FUCA1: variants seen among roughly 807,000 people sequenced by gnomAD.
The protein encoded by FUCA1 is alpha-L-fucosidase 1.
A neutral mutation model predicts 56.8 loss-of-function variants in FUCA1; 52 were observed. That is an observed-to-expected ratio of 0.92 (90% CI 0.73 to 1.15). The LOEUF is 1.15. Ranked by LOEUF, FUCA1 falls within the 50% of genes most tolerant of loss-of-function variation. The probability of loss-of-function intolerance (pLI) is 0.00; values close to 1 mark genes in which losing one functional copy is unlikely to be tolerated. For synonymous variants in FUCA1, 230 were observed against 226.6 expected (o/e 1.02, Z -0.14); for missense variants, 568 against 592.6 (o/e 0.96, Z 0.43).
At chr1:23,850,999 G>A (rs1055481299) in intron 5 of FUCA1, among the ~76,000 whole-genome samples, 6 of 151,720 alleles carry the variant, frequency 4.0e-5, no homozygotes, top group African/African-American at 1.5e-4. Flanking sequence ...GGCTGGTCTT[G>A]AACTCCTGGC....
At chr1:23,859,970 ATTT>A in intron 3 of FUCA1, 67 bp from the exon 4 acceptor site, 1 of 883,332 alleles carries the variant, frequency 1.1e-6, no homozygotes, top group East Asian at 3.0e-5. Flanking sequence ...CTTATGGACC[ATTT>A]TTTTTTTTAG....
At chr1:23,849,223 T>C (rs1639207458) in intron 5 of FUCA1, among the ~76,000 whole-genome samples, 1 of 152,168 alleles carries the variant, frequency 6.6e-6, no homozygotes, top group Non-Finnish European at 1.5e-5. Context: ...TGACCTCAGG[T>C]GATCTGCCTG....
intron 5 of FUCA1, among the ~76,000 whole-genome samples, chr1:23,852,465 C>A (rs995559762): frequency 4.7e-5 from 7 of 149,852 alleles, no homozygotes; most frequent in African/African-American, 1.7e-4. Flanking sequence ...CCCTCTCCCC[C>A]CTCTCCCTCT....
chr1:23,852,386 C>T (rs914352851), intron 5 of FUCA1, among the ~76,000 whole-genome samples: 62 of 151,982 alleles, frequency 4.1e-4, no homozygotes, highest in African/African-American at 1.4e-3. Flanking sequence ...CGTGCCACTG[C>T]GCTATTGCCT....
At chr1:23,852,841 AGCC>A (rs1434614702) in intron 5 of FUCA1, among the ~76,000 whole-genome samples, 3 of 151,856 alleles carry the variant, frequency 2.0e-5, no homozygotes, top group African/African-American at 7.3e-5. Flanking sequence ...TCCACCTCCC[AGCC>A]GCCTGCCTTG....
Position 23,868,288 on chromosome 1 carries a change from G to A in FUCA1, c.-2C>T, listed in dbSNP as rs1455417738. 3 of 1,545,930 alleles carry A rather than the reference G, an allele frequency of 1.9e-6. No homozygotes were observed. Among genetic ancestry groups the A allele is most frequent in the East Asian group, 2.4e-5 (1 of 41,222 alleles). ...CGACCTCATCCCCGGAGCCCGCATC[G>A]CTACCCCTCAGCGACGCGGCCCACT... On this transcript the variant is annotated 5_prime_UTR_variant, in exon 1 of 8. Transcript: ENST00000374479.
chr1:23,852,465 CCT>C (rs1225373858), intron 5 of FUCA1, among the ~76,000 whole-genome samples: 97 of 149,942 alleles, frequency 6.5e-4, no homozygotes, highest in African/African-American at 2.3e-3. Context: ...CCCTCTCCCC[CCT>C]CTCCCTCTCC....
chr1:23,867,761 T>G lies in FUCA1; in HGVS notation c.389+137A>C. 1 of 1,424,878 alleles carries G rather than the reference T, an allele frequency of 7.0e-7. No homozygotes were observed. Among genetic ancestry groups the G allele is most frequent in the South Asian group, 1.5e-5 (1 of 66,032 alleles). 88.3% of individuals were successfully genotyped at this position (1,424,878 alleles called of 1,614,324 possible). A position where few individuals can be genotyped will look rare whatever the true frequency, so the allele number is the denominator to read the frequency against. On this transcript the variant is annotated intron_variant, in intron 1 of 7. Coordinates refer to ENST00000374479, the MANE Select transcript of FUCA1 (RefSeq NM_000147.5). The surrounding 1 kb of genome is among the most constrained non-coding windows in gnomAD (Gnocchi z 4.9). Reference sequence around the variant, plus strand: ...ATCAGGTGTGCCAGGCTCACTCCTGTGGCCGCAGGAGGCCACACGCGGGCC... The same window carrying G: ...ATCAGGTGTGCCAGGCTCACTCCTGGGGCCGCAGGAGGCCACACGCGGGCC...
In FUCA1 at chr1:23,853,439, T is replaced by TG. The variant is rs1318606475; in HGVS notation, c.969+920dup. 1.8e-4 allele frequency among the ~76,000 whole-genome samples: 25 copies of TG among 138,400 alleles called. No homozygotes were observed. The South Asian group carries it at 2.3e-3, about 13-fold the overall frequency. 90.8% of individuals were successfully genotyped at this position (138,400 alleles called of 152,430 possible). A position where few individuals can be genotyped will look rare whatever the true frequency, so the allele number is the denominator to read the frequency against. ...CCAGCCGCCCCGTCCGGGAGGGAGGTGGGGGGGTCAGCCCCCCGCCCAGCC... is the reference window on the plus strand; with the variant it reads ...CCAGCCGCCCCGTCCGGGAGGGAGGTGGGGGGGGTCAGCCCCCCGCCCAGCC... On this transcript the variant is annotated intron_variant, in intron 5 of 7. Transcript: ENST00000374479.
At chr1:23,857,520 C>CA (rs1236706803) in intron 4 of FUCA1, among the ~76,000 whole-genome samples, 3 of 151,486 alleles carry the variant, frequency 2.0e-5, no homozygotes, top group Non-Finnish European at 4.4e-5. Flanking sequence ...TTTTGTGAGA[C>CA]AGAGTCTCGC....
intron 5 of FUCA1, among the ~76,000 whole-genome samples, chr1:23,849,590 T>TC (rs1182838848): frequency 1.4e-5 from 2 of 143,020 alleles, no homozygotes; most frequent in Non-Finnish European, 3.1e-5. Flanking sequence ...TTTTTTTTTT[T>TC]TTTTTTTTTT....
At chr1:23,852,800 T>C (rs1229156051) in intron 5 of FUCA1, among the ~76,000 whole-genome samples, 6 of 152,006 alleles carry the variant, frequency 3.9e-5, no homozygotes, top group South Asian at 4.1e-4. Context: ...CAGGCTGGAG[T>C]GCAGTGGCGT....
At chr1:23,853,641 G>A (rs1188254066) in intron 5 of FUCA1, among the ~76,000 whole-genome samples, 11 of 151,202 alleles carry the variant, frequency 7.3e-5, no homozygotes, top group East Asian at 2.0e-4. Context: ...GGCGGGGAAA[G>A]GATTGAGAAA....
At position 23,845,240 on chromosome 1, in the gene FUCA1, C is replaced by G. The variant is rs554256591; in HGVS notation, c.*475G>C. The G allele has an allele frequency of 2.9e-5, 6 of 205,946 alleles. No individual in the cohort carries two copies. The highest frequency in any genetic ancestry group is 1.4e-4 in the African/African-American group (6 of 42,848). 12.8% of individuals were successfully genotyped at this position (205,946 alleles called of 1,614,324 possible). ...ATTTCTGAAGAGTTGACCATAGCAGCCTGGTAAGCCTTTTCCTTTCCCCCA... is the reference window on the plus strand; with the variant it reads ...ATTTCTGAAGAGTTGACCATAGCAGGCTGGTAAGCCTTTTCCTTTCCCCCA... On this transcript the variant is annotated 3_prime_UTR_variant, in exon 8 of 8. Coordinates refer to ENST00000374479, the MANE Select transcript of FUCA1 (RefSeq NM_000147.5).
chr1:23,850,650 A>T (rs1195137016), intron 5 of FUCA1, among the ~76,000 whole-genome samples: 30 of 151,552 alleles, frequency 2.0e-4, no homozygotes, highest in Non-Finnish European at 1.5e-5. Flanking sequence ...CGCCCAGCTA[A>T]TTTTTTTTGT....
rs371032301 is a variant in FUCA1, at chr1:23,863,126, T to C, written c.662+8A>G. On this transcript the variant is annotated splice_region_variant and intron_variant, in intron 3 of 7. Transcript: ENST00000374479. ...AAGTCATAGGGCCAAAATATTTCAG[T>C]GTCTTACCTGTTAACAAGGTCGTAC... 10 of 1,613,650 alleles carry C rather than the reference T, an allele frequency of 6.2e-6. No individual in the cohort carries two copies. The African/African-American group carries it at 1.2e-4, about 19-fold the overall frequency.
intron 1 of FUCA1, among the ~76,000 whole-genome samples, chr1:23,866,761 C>A (rs1639631859): frequency 6.6e-6 from 1 of 152,166 alleles, no homozygotes; most frequent in Non-Finnish European, 1.5e-5. Context: ...GAGTCTAGGA[C>A]ATTATATTCC....
intron 5 of FUCA1, 25 bp downstream of exon 5, chr1:23,854,335 A>C (rs1639345449): frequency 1.3e-6 from 2 of 1,599,132 alleles, no homozygotes. Flanking sequence ...AAAAACAAAA[A>C]CAAAAAACTC....
chr1:23,862,290 C>T (rs1459855182), intron 3 of FUCA1, among the ~76,000 whole-genome samples: 1 of 152,142 alleles, frequency 6.6e-6, no homozygotes, highest in Admixed American at 6.5e-5. Flanking sequence ...CTCAGCCTCC[C>T]GAGTAGCTGG....
Sources: gnomAD v4.1 joint callset for allele counts (sites outside exome capture counted in the v4.1 genomes callset) on GRCh38, gnomAD v4.1.1 for gene constraint, Gnocchi (gnomAD v3.1) non-coding constraint, MANE v1.5 for transcripts, NCBI Gene and HGNC (gene_info 2026-07-23, HGNC 2026-07-21) for gene names.